The following ALG14 variants were observed in gnomAD, a reference collection of about 807,000 sequenced individuals.
The protein encoded by ALG14 is ALG14 UDP-N-acetylglucosaminyltransferase subunit.
Under a neutral mutation model 22.8 loss-of-function variants are expected in ALG14, and 17 were observed. The ratio of observed to expected loss-of-function variants is 0.75; its 90% CI spans 0.51 to 1.12. The LOEUF (loss-of-function observed/expected upper bound fraction) is 1.12. Among genes scored for constraint, ALG14 ranks in the 50% most tolerant of loss-of-function variants. ALG14 has a pLI of 0.00. For missense variants in ALG14, 288 were observed against 271.8 expected (o/e 1.06, Z -0.42); for synonymous variants, 89 against 103.7 (o/e 0.86, Z 0.86).
At chr1:95,059,409 A>C (rs1040717955) in intron 2 of ALG14, among the ~76,000 whole-genome samples, 4 of 119,884 alleles carry the variant, frequency 3.3e-5, no homozygotes, top group Admixed American at 7.9e-5. Context: ...AAAAAAAAAA[A>C]AAAAAAAAAA....
At chr1:95,011,430 C>A (rs1019287756) in intron 3 of ALG14, among the ~76,000 whole-genome samples, 1 of 145,020 alleles carries the variant, frequency 6.9e-6, no homozygotes, top group African/African-American at 2.5e-5. Context: ...TTCTTTCTTT[C>A]TTTTTTTTTT....
intron 2 of ALG14, among the ~76,000 whole-genome samples, chr1:95,048,989 C>T (rs1674658053): frequency 6.6e-6 from 1 of 151,798 alleles, no homozygotes. Flanking sequence ...AATTAGGCAC[C>T]TAAAATATTA....
At chr1:95,055,581 A>T (rs72720253) in intron 2 of ALG14, among the ~76,000 whole-genome samples, 91 of 152,298 alleles carry the variant, frequency 6.0e-4, no homozygotes, top group Non-Finnish European at 1.1e-3. Context: ...ATCATCATAT[A>T]GATATAAGTT....
chr1:94,988,172 G>A (rs1038391064), intron 3 of ALG14, among the ~76,000 whole-genome samples: 1 of 152,146 alleles, frequency 6.6e-6, no homozygotes, highest in African/African-American at 2.4e-5. Context: ...GCTCCATTAC[G>A]TAGACAGGTA....
rs113252260 is a variant in ALG14, at chr1:95,048,124, T to C, written c.288+16742A>G. On this transcript the variant is annotated intron_variant, in intron 2 of 3. Coordinates refer to ENST00000370205, the MANE Select transcript of ALG14 (RefSeq NM_144988.4). ...TGAAATTTCCACTAAACACAGTGTC[T>C]TGTATAGAATCAGCACTCATTTTGT... Among the ~76,000 whole-genome samples the C allele has an allele frequency of 2.6e-3, 402 of 152,332 alleles. 1 individual carries two copies. The highest frequency in any genetic ancestry group is 9.3e-3 in the African/African-American group (388 of 41,574).
At chr1:94,994,955 A>C (rs1186962732) in intron 3 of ALG14, among the ~76,000 whole-genome samples, 2 of 152,236 alleles carry the variant, frequency 1.3e-5, no homozygotes, top group Non-Finnish European at 2.9e-5. Context: ...AAGAAAAGGG[A>C]GTATTCGTCC....
At chr1:95,038,429 C>T (rs1032356067) in intron 2 of ALG14, among the ~76,000 whole-genome samples, 1 of 152,078 alleles carries the variant, frequency 6.6e-6, no homozygotes, top group Non-Finnish European at 1.5e-5. Flanking sequence ...GAGGAAGTTG[C>T]AGTGAGCCAA....
intron 3 of ALG14, among the ~76,000 whole-genome samples, chr1:95,014,130 G>A (rs1673441010): frequency 1.3e-5 from 2 of 152,088 alleles, no homozygotes; most frequent in South Asian, 4.2e-4. Context: ...GGGAGCTTAG[G>A]GTTTCAGTAC....
chr1:95,068,146 C>T (rs911939411), intron 1 of ALG14, among the ~76,000 whole-genome samples: 23 of 152,202 alleles, frequency 1.5e-4, no homozygotes, highest in African/African-American at 5.1e-4. Flanking sequence ...GTGTTTGTTA[C>T]TGCTGTACCT....
intron 3 of ALG14, chr1:95,022,218 T>C (rs973310599): frequency 1.4e-6 from 1 of 717,094 alleles, no homozygotes; most frequent in Non-Finnish European, 1.7e-6. Context: ...ATATGCAGCC[T>C]AATTTTGACA....
At chr1:95,015,526 A>G (rs1673474880) in intron 3 of ALG14, among the ~76,000 whole-genome samples, 1 of 152,236 alleles carries the variant, frequency 6.6e-6, no homozygotes, top group Non-Finnish European at 1.5e-5. Flanking sequence ...CAAGACAAAA[A>G]GCCTCAGAAG....
rs979844768 is a variant in ALG14 at position 94,983,012 on chromosome 1, TC to T, written c.*63del. ...TTACAAGAAACATGTAGGGTTTTTT[TC>T]CCCCCAATTTGAGTACATACTACTG... On this transcript the variant is annotated 3_prime_UTR_variant, in exon 4 of 4. Transcript: ENST00000370205. 1.0e-5 allele frequency: 14 copies of T among 1,395,028 alleles called. No individual in the cohort carries two copies. The highest frequency in any genetic ancestry group is 8.6e-5 in the African/African-American group (6 of 69,764). 86.4% of individuals were successfully genotyped at this position (1,395,028 alleles called of 1,614,324 possible). A position where few individuals can be genotyped will look rare whatever the true frequency, so the allele number is the denominator to read the frequency against.
chr1:95,040,925 T>C (rs1674357987), intron 2 of ALG14, among the ~76,000 whole-genome samples: 2 of 152,236 alleles, frequency 1.3e-5, no homozygotes, highest in South Asian at 2.1e-4. Flanking sequence ...TTTAATTTCA[T>C]CTGTTCAGAA....
intron 3 of ALG14, among the ~76,000 whole-genome samples, chr1:95,009,503 C>T (rs1471892367): frequency 6.6e-6 from 1 of 152,062 alleles, no homozygotes; most frequent in Non-Finnish European, 1.5e-5. Context: ...TGACCAGTCA[C>T]CAGGGTTTTG....
At position 95,072,793 on chromosome 1, in the gene ALG14, A is replaced by G; in HGVS notation, c.106T>C (p.Ser36Pro). ...LRSMDVTPRESLSILVVAGSG... is the reference protein window; with the variant it reads ...LRSMDVTPREPLSILVVAGSG... ...CCAGCCACTACCAAGATACTGAGAG[A>G]CTCCCGGGGCGTAACGTCCATGGAA... The change falls in exon 1 of 4, where the codon TCT (serine) becomes CCT (proline). Residue 36 changes from serine (S) to proline (P), a missense_variant. By Grantham distance (74) the Ser-to-Pro change is moderately conservative. Transcript: ENST00000370205. The G allele has an allele frequency of 1.9e-6, 3 of 1,613,860 alleles. No individual in the cohort carries two copies. Among genetic ancestry groups the G allele is most frequent in the Non-Finnish European group, 2.5e-6 (3 of 1,179,976 alleles).
At chr1:94,987,840 T>C (rs955639439) in intron 3 of ALG14, among the ~76,000 whole-genome samples, 1 of 152,136 alleles carries the variant, frequency 6.6e-6, no homozygotes, top group Admixed American at 6.5e-5. Flanking sequence ...CGAGAGAGCA[T>C]ATGAAGGTAA....
chr1:94,989,570 T>C lies in ALG14; in HGVS notation c.421-6264A>G, dbSNP rs188414375. On this transcript the variant is annotated intron_variant, in intron 3 of 3. Transcript: ENST00000370205. ...GGGGCAGGGCTGGAGGAGACTCTGT[T>C]CTGGTAGCAAAGGTACTGCTGGCAG... Among the ~76,000 whole-genome samples the C allele has an allele frequency of 3.3e-3, 505 of 152,280 alleles. 1 individual carries two copies. The highest frequency in any genetic ancestry group is 0.012 in the African/African-American group (480 of 41,542).
At chr1:95,028,282 G>A (rs1331267206) in intron 2 of ALG14, among the ~76,000 whole-genome samples, 1 of 152,050 alleles carries the variant, frequency 6.6e-6, no homozygotes, top group Admixed American at 6.6e-5. Flanking sequence ...CCAAGTAGCT[G>A]GAACCACAGG....
chr1:95,064,818 C>T lies in ALG14; in HGVS notation c.288+48G>A, dbSNP rs758700897. ...GAGATTATTACTAGAGACAATTAAACTCAATGTGCAACTTGTAATTTTCTT... is the reference window on the plus strand; with the variant it reads ...GAGATTATTACTAGAGACAATTAAATTCAATGTGCAACTTGTAATTTTCTT... On this transcript the variant is annotated intron_variant, in intron 2 of 3. Transcript: ENST00000370205. 2.5e-6 allele frequency: 4 copies of T among 1,570,004 alleles called. No homozygotes were observed. In the South Asian group the frequency reaches 3.5e-5, roughly 14 times the overall value.
Sources: allele counts gnomAD v4.1 joint callset (sites outside exome capture counted in the v4.1 genomes callset), GRCh38; gene constraint gnomAD v4.1.1; transcripts MANE v1.5; gene names NCBI Gene and HGNC (gene_info 2026-07-23, HGNC 2026-07-21).